POU3F3: variants seen among roughly 807,000 people sequenced by gnomAD.
POU3F3 encodes POU domain, class 3, transcription factor 3.
A neutral mutation model predicts 8.6 loss-of-function variants in POU3F3; 1 was observed. The observed-to-expected ratio is 0.12, with a 90% CI of 0.04 to 0.55. The LOEUF is 0.55. POU3F3 is among the 20% of genes least tolerant of loss of function. POU3F3 has a pLI of 0.91. For missense variants in POU3F3, 577 were observed against 690.7 expected (o/e 0.84, Z 1.84); for synonymous variants, 418 against 327.4 (o/e 1.28, Z -2.99).
the POU3F3 span, among the ~76,000 whole-genome samples, chr2:104,876,474 A>G: frequency 6.6e-6 from 1 of 152,162 alleles, no homozygotes; most frequent in African/African-American, 2.4e-5. Context: ...ATCTCCTCAC[A>G]TGGCTGTATT....
downstream of POU3F3, among the ~76,000 whole-genome samples, chr2:104,862,812 TA>T (rs1037465206): frequency 6.6e-5 from 10 of 152,280 alleles, no homozygotes; most frequent in East Asian, 1.7e-3. Context: ...TTCTCATTAA[TA>T]AAAATGCCAC....
the POU3F3 span, among the ~76,000 whole-genome samples, chr2:104,899,856 C>T: frequency 8.5e-5 from 13 of 152,174 alleles, no homozygotes; most frequent in African/African-American, 2.9e-4. Context: ...GGATGCCAAG[C>T]AAGGCTCATG....
chr2:104,913,431 G>A, the POU3F3 span, among the ~76,000 whole-genome samples: 56,991 of 151,960 alleles, frequency 0.38, 10,832 homozygotes, highest in East Asian at 0.45. Context: ...GTGAAAGGCA[G>A]AGGCTTGGGC....
the POU3F3 span, among the ~76,000 whole-genome samples, chr2:104,904,479 T>A: frequency 7.9e-5 from 12 of 152,220 alleles, no homozygotes; most frequent in Non-Finnish European, 1.8e-4. Context: ...AATGAGTATA[T>A]ACTGCAAAGG....
chr2:104,898,966 A>G, the POU3F3 span, among the ~76,000 whole-genome samples: 1 of 152,216 alleles, frequency 6.6e-6, no homozygotes. Context: ...TAGATACAGA[A>G]AGTTATTCGA....
chr2:104,917,616 C>T, the POU3F3 span, among the ~76,000 whole-genome samples: 1 of 152,108 alleles, frequency 6.6e-6, no homozygotes, highest in Non-Finnish European at 1.5e-5. Context: ...CTCCAAAGTG[C>T]AAAGAAACTT....
the POU3F3 span, among the ~76,000 whole-genome samples, chr2:104,916,955 T>C: frequency 6.6e-6 from 1 of 152,226 alleles, no homozygotes; most frequent in Non-Finnish European, 1.5e-5. Context: ...GTCACCAATG[T>C]GGGTGGGCAC....
chr2:104,899,785 A>G, the POU3F3 span, among the ~76,000 whole-genome samples: 1 of 152,204 alleles, frequency 6.6e-6, no homozygotes, highest in Non-Finnish European at 1.5e-5. Flanking sequence ...CTCTCGTCCT[A>G]TCTATGCTTT....
the POU3F3 span, chr2:104,926,009 G>C: frequency 6.6e-6 from 1 of 152,120 alleles, no homozygotes; most frequent in Non-Finnish European, 1.5e-5. Context: ...GTTCTTGTCT[G>C]GGTTCATAGA....
chr2:104,863,159 A>AATTATTATTATT (rs3056838), downstream of POU3F3, among the ~76,000 whole-genome samples: 6 of 134,844 alleles, frequency 4.4e-5, no homozygotes, highest in Non-Finnish European at 7.9e-5. Context: ...TCATAATAAC[A>AATTATTATTATT]ATTATTATTA....
chr2:104,876,404 G>T, the POU3F3 span, among the ~76,000 whole-genome samples: 4 of 152,176 alleles, frequency 2.6e-5, no homozygotes, highest in African/African-American at 9.6e-5. Context: ...CAGGAAGGCT[G>T]TCATTCCATG....
chr2:104,887,100 C>G, the POU3F3 span, among the ~76,000 whole-genome samples: 46,287 of 151,902 alleles, frequency 0.3, 7,167 homozygotes, highest in Non-Finnish European at 0.34. Context: ...GACTTCCTGA[C>G]GTTGCCATGG....
the POU3F3 span, among the ~76,000 whole-genome samples, chr2:104,863,969 G>C: frequency 6.6e-6 from 1 of 152,220 alleles, no homozygotes; most frequent in Non-Finnish European, 1.5e-5. Context: ...GGCCCTGCGC[G>C]CCGCACGGGG....
chr2:104,892,610 T>C, the POU3F3 span, among the ~76,000 whole-genome samples: 1 of 151,184 alleles, frequency 6.6e-6, no homozygotes, highest in Non-Finnish European at 1.5e-5. Context: ...GGACTACAAG[T>C]GCATGCAACC....
chr2:104,860,387 T>C (rs915240621), downstream of POU3F3, among the ~76,000 whole-genome samples: 1 of 152,258 alleles, frequency 6.6e-6, no homozygotes, highest in Non-Finnish European at 1.5e-5. Context: ...GGTTTTGTGC[T>C]AAGGCTTATA....
chr2:104,864,354 C>T, the POU3F3 span, among the ~76,000 whole-genome samples: 2 of 152,228 alleles, frequency 1.3e-5, no homozygotes, highest in Admixed American at 1.3e-4. Flanking sequence ...CCCCTTCCCC[C>T]CGCACTTTGG....
rs1424499058 is a variant in POU3F3 at position 104,856,794 on chromosome 2, C to T, written c.1284C>T (p.Cys428=). The stretch of plus-strand genomic sequence containing the variant: ...CGCTGGAGAGCCACTTCCTCAAGTG[C>T]CCCAAGCCCTCCGCGCAGGAGATCA... The part of the protein sequence containing the change: ...KGALESHFLK[C]PKPSAQEITN... Residue 428 remains cysteine (C), a synonymous_variant, in exon 1 of 1, where the codon TGC becomes TGT. Coordinates refer to ENST00000361360, the MANE Select transcript of POU3F3 (RefSeq NM_006236.3). The T allele has an allele frequency of 1.2e-6, 2 of 1,614,092 alleles. No individual in the cohort carries two copies. The highest frequency in any genetic ancestry group is 2.2e-5 in the South Asian group (2 of 91,088).
At chr2:104,872,276 C>G in the POU3F3 span, 1 of 456,718 alleles carries the variant, frequency 2.2e-6, no homozygotes, top group African/African-American at 2.0e-5. The surrounding 1 kb of genome is among the most constrained non-coding windows in gnomAD (Gnocchi z 4.6). Context: ...CACATACAGA[C>G]AGGAAACCGG....
chr2:104,872,162 C>T, the POU3F3 span: 1 of 450,118 alleles, frequency 2.2e-6, no homozygotes, highest in Non-Finnish European at 4.4e-6. The surrounding 1 kb of genome is among the most constrained non-coding windows in gnomAD (Gnocchi z 4.6). Flanking sequence ...ACTTCCCCTG[C>T]AGGGATGCCC....
Sources: allele counts gnomAD v4.1 joint callset (sites outside exome capture counted in the v4.1 genomes callset), GRCh38; gene constraint gnomAD v4.1.1; non-coding constraint Gnocchi (gnomAD v3.1); transcripts MANE v1.5; gene names NCBI Gene and HGNC (gene_info 2026-07-23, HGNC 2026-07-21).